RBMS3: variants seen among roughly 807,000 people sequenced by gnomAD.
RBMS3 encodes the protein RNA binding motif single stranded interacting protein 3.
RBMS3 carries 27 observed loss-of-function variants against 66.8 expected under a neutral mutation model. The observed-to-expected ratio is 0.40, with a 90% confidence interval of 0.30 to 0.56. RBMS3 has a LOEUF of 0.56. RBMS3 is among the 20% of genes least tolerant of loss of function. The pLI, the probability that RBMS3 is intolerant of heterozygous loss-of-function variation, is 0.40. For synonymous variants in RBMS3, 188 were observed against 183.0 expected, an observed-to-expected ratio of 1.03 and a Z score of -0.22; for missense variants, 513 against 549.5, an observed-to-expected ratio of 0.93 and a Z score of 0.66.
At chr3:29,868,336 A>G (rs987341504) in intron 6 of RBMS3, among the ~76,000 whole-genome samples, 1 of 152,130 alleles carries the variant, frequency 6.6e-6, no homozygotes, top group Non-Finnish European at 1.5e-5. Context: ...TGGAGTGAAG[A>G]GTGTTGGGTG....
At chr3:29,928,201 T>C (rs1268133736) in intron 10 of RBMS3, among the ~76,000 whole-genome samples, 1,765 of 108,932 alleles carry the variant, frequency 0.016, 39 homozygotes, top group African/African-American at 0.056. Context: ...TATATATATA[T>C]ATATATATAT....
intron 3 of RBMS3, among the ~76,000 whole-genome samples, chr3:29,567,983 G>T (rs897866901): frequency 2.0e-5 from 3 of 152,164 alleles, no homozygotes; most frequent in Admixed American, 6.6e-5. Flanking sequence ...GCCCTTAGCA[G>T]TTTTTGTGTT....
At chr3:29,345,053 G>A (rs181412056) in intron 1 of RBMS3, among the ~76,000 whole-genome samples, 2 of 152,172 alleles carry the variant, frequency 1.3e-5, no homozygotes, top group South Asian at 2.1e-4. Flanking sequence ...TGATGGCAGC[G>A]ATATTTGTCT....
intron 12 of RBMS3, among the ~76,000 whole-genome samples, chr3:29,956,496 A>C (rs574670656): frequency 6.6e-6 from 1 of 152,050 alleles, no homozygotes; most frequent in Non-Finnish European, 1.5e-5. Context: ...ATTAAAGCTC[A>C]AATTTTTGAT....
At chr3:29,772,905 A>G (rs926208396) in intron 6 of RBMS3, among the ~76,000 whole-genome samples, 3 of 152,110 alleles carry the variant, frequency 2.0e-5, no homozygotes, top group Non-Finnish European at 4.4e-5. Flanking sequence ...CATCTGAAAC[A>G]AGAAGCTTTG....
chr3:29,566,501 A>G (rs560027502), intron 3 of RBMS3, among the ~76,000 whole-genome samples: 1 of 152,164 alleles, frequency 6.6e-6, no homozygotes, highest in African/African-American at 2.4e-5. Flanking sequence ...CAGTGTCTCC[A>G]CTTTGGTCAA....
At position 29,548,490 on chromosome 3, in the gene RBMS3, G is replaced by A. The variant is rs1043351323; in HGVS notation, c.308-38624G>A. On this transcript the variant is annotated intron_variant, in intron 3 of 14. Transcript: ENST00000383767. Reference sequence around the variant, plus strand: ...GTTAATGAAGGATGTAAGTAGGAATGCTTATAAAGTTTATTAAAATAAATA... The same window carrying A: ...GTTAATGAAGGATGTAAGTAGGAATACTTATAAAGTTTATTAAAATAAATA... 9.9e-5 allele frequency among the ~76,000 whole-genome samples: 15 copies of A among 151,602 alleles called. 1 individual carries two copies. The highest frequency in any genetic ancestry group is 2.1e-4 in the Non-Finnish European group (14 of 67,884).
chr3:29,486,499 G>A (rs537642423), intron 2 of RBMS3, among the ~76,000 whole-genome samples: 131 of 152,216 alleles, frequency 8.6e-4, no homozygotes, highest in African/African-American at 3.0e-3. Flanking sequence ...TTTGGACTCT[G>A]TGTGTGATTT....
chr3:29,886,499 C>G (rs2059874878), intron 8 of RBMS3, among the ~76,000 whole-genome samples: 1 of 151,704 alleles, frequency 6.6e-6, no homozygotes. Flanking sequence ...CTTAGTTTAT[C>G]AAGGATAGAC....
intron 7 of RBMS3, among the ~76,000 whole-genome samples, chr3:29,872,530 C>A (rs2059517057): frequency 6.6e-6 from 1 of 152,298 alleles, no homozygotes; most frequent in East Asian, 1.9e-4. Context: ...CTTCAGGCCA[C>A]ACTTTGAGAA....
intron 3 of RBMS3, among the ~76,000 whole-genome samples, chr3:29,539,429 G>A (rs528015355): frequency 4.6e-5 from 7 of 152,246 alleles, no homozygotes; most frequent in African/African-American, 1.4e-4. Context: ...TAGCCTCAGC[G>A]TCTTGTGCAT....
At chr3:29,469,523 C>T (rs1251459959) in intron 2 of RBMS3, among the ~76,000 whole-genome samples, 1 of 151,514 alleles carries the variant, frequency 6.6e-6, no homozygotes, top group African/African-American at 2.4e-5. Flanking sequence ...CTCTATAAAC[C>T]ATTGAAAATA....
chr3:29,380,393 T>C (rs1441290944), intron 1 of RBMS3, among the ~76,000 whole-genome samples: 1 of 152,244 alleles, frequency 6.6e-6, no homozygotes, highest in Non-Finnish European at 1.5e-5. Flanking sequence ...GCTGTACATA[T>C]TTTGATGTAT....
chr3:29,582,158 A>ATAGT (rs1489298642), intron 3 of RBMS3, among the ~76,000 whole-genome samples: 1 of 141,698 alleles, frequency 7.1e-6, no homozygotes, highest in African/African-American at 2.8e-5. Flanking sequence ...TTATAGATAG[A>ATAGT]TAGATAGATA....
At chr3:29,930,065 G>A (rs2061068297) in intron 10 of RBMS3, among the ~76,000 whole-genome samples, 1 of 148,402 alleles carries the variant, frequency 6.7e-6, no homozygotes, top group South Asian at 2.2e-4. Flanking sequence ...TTAGTTGTCG[G>A]GAACAGACTG....
chr3:29,455,533 ATG>A (rs2042156794), intron 2 of RBMS3, among the ~76,000 whole-genome samples: 1 of 152,168 alleles, frequency 6.6e-6, no homozygotes, highest in East Asian at 1.9e-4. Context: ...CAACCAGTTA[ATG>A]TGTAACTGTT....
chr3:29,912,914 G>C (rs1391317328), intron 10 of RBMS3, among the ~76,000 whole-genome samples: 1 of 151,874 alleles, frequency 6.6e-6, no homozygotes, highest in East Asian at 1.9e-4. Context: ...TGTTCAGTTT[G>C]TGCCAGAATT....
intron 1 of RBMS3, among the ~76,000 whole-genome samples, chr3:29,366,917 G>A (rs9855507): frequency 6.6e-6 from 1 of 151,872 alleles, no homozygotes; most frequent in Non-Finnish European, 1.5e-5. Context: ...AAGCATTTTG[G>A]TCCTTGATCA....
chr3:29,565,887 G>A (rs752685773), intron 3 of RBMS3, among the ~76,000 whole-genome samples: 58 of 152,262 alleles, frequency 3.8e-4, no homozygotes, highest in Non-Finnish European at 7.6e-4. Flanking sequence ...CCAATGTCAT[G>A]ATTGTAGGGT....
Sources: allele counts gnomAD v4.1 joint callset (sites outside exome capture counted in the v4.1 genomes callset), GRCh38; gene constraint gnomAD v4.1.1; transcripts MANE v1.5; gene names NCBI Gene and HGNC (gene_info 2026-07-23, HGNC 2026-07-21).